SEZ6L: variants seen among roughly 807,000 people sequenced by gnomAD.
The protein encoded by SEZ6L is seizure 6-like protein.
A neutral mutation model predicts 106.2 loss-of-function variants in SEZ6L; 37 were observed. The ratio of observed to expected loss-of-function variants is 0.35; its 90% CI spans 0.27 to 0.46. The LOEUF (loss-of-function observed/expected upper bound fraction) is 0.46. Ranked by LOEUF, SEZ6L falls within the 20% of genes least tolerant of loss-of-function variation. SEZ6L has a pLI of 1.00. For synonymous variants in SEZ6L, 541 were observed against 570.4 expected, an observed-to-expected ratio of 0.95 and a Z score of 0.73; for missense variants, 1,172 against 1,332.8, an observed-to-expected ratio of 0.88 and a Z score of 1.88.
intron 15 of SEZ6L, 51 bp downstream of exon 15, chr22:26,375,740 C>A: frequency 7.1e-7 from 1 of 1,402,154 alleles, no homozygotes. Flanking sequence ...CACCAGTACT[C>A]AGAGGGACTG....
At chr22:26,183,010 G>C (rs1253219046) in intron 1 of SEZ6L, among the ~76,000 whole-genome samples, 1 of 152,082 alleles carries the variant, frequency 6.6e-6, no homozygotes, top group Non-Finnish European at 1.5e-5. Context: ...CTCCTTCCCT[G>C]TTTCTAAAGA....
chr22:26,320,234 G>A (rs535848685), intron 9 of SEZ6L, among the ~76,000 whole-genome samples: 1 of 152,280 alleles, frequency 6.6e-6, no homozygotes, highest in Non-Finnish European at 1.5e-5. Flanking sequence ...AGATATGCTG[G>A]CAGAGTTCAG....
At chr22:26,212,319 A>G (rs1451691989) in intron 1 of SEZ6L, among the ~76,000 whole-genome samples, 1 of 152,162 alleles carries the variant, frequency 6.6e-6, no homozygotes, top group African/African-American at 2.4e-5. Context: ...TCTTCTTTCT[A>G]TGTTGAGATT....
At chr22:26,318,611 A>G (rs1252217254) in intron 9 of SEZ6L, among the ~76,000 whole-genome samples, 1 of 152,162 alleles carries the variant, frequency 6.6e-6, no homozygotes, top group African/African-American at 2.4e-5. Context: ...AAATTGTATT[A>G]TTTGTTCTTT....
At chr22:26,285,290 C>G (rs2080901217) in intron 1 of SEZ6L, among the ~76,000 whole-genome samples, 1 of 152,210 alleles carries the variant, frequency 6.6e-6, no homozygotes, top group South Asian at 2.1e-4. Flanking sequence ...AAGTGATGAT[C>G]AAATGTGCCC....
intron 14 of SEZ6L, among the ~76,000 whole-genome samples, chr22:26,374,763 A>G (rs2084160567): frequency 6.6e-6 from 1 of 152,148 alleles, no homozygotes; most frequent in African/African-American, 2.4e-5. Context: ...TTCTAGAAGG[A>G]ATGTAGGATC....
At chr22:26,252,562 G>T (rs539007698) in intron 1 of SEZ6L, among the ~76,000 whole-genome samples, 2 of 152,064 alleles carry the variant, frequency 1.3e-5, no homozygotes, top group East Asian at 1.9e-4. Context: ...TTTCAGTCTT[G>T]TCCCCCTCCC....
intron 5 of SEZ6L, among the ~76,000 whole-genome samples, chr22:26,300,494 T>A (rs1265613460): frequency 6.6e-6 from 1 of 152,280 alleles, no homozygotes; most frequent in African/African-American, 2.4e-5. Context: ...TCATCATTTT[T>A]TATGGCTGCA....
chr22:26,278,731 G>A (rs1319548198), intron 1 of SEZ6L, among the ~76,000 whole-genome samples: 2 of 151,206 alleles, frequency 1.3e-5, no homozygotes. Flanking sequence ...TCATTAAAAG[G>A]AATGAATTTT....
At chr22:26,375,735 G>A (rs772319909) in intron 15 of SEZ6L, 46 bp downstream of exon 15, 17 of 1,445,068 alleles carry the variant, frequency 1.2e-5, no homozygotes, top group South Asian at 6.1e-5. Flanking sequence ...CCAGCCACCA[G>A]TACTCAGAGG....
At chr22:26,200,612 C>T (rs906650699) in intron 1 of SEZ6L, among the ~76,000 whole-genome samples, 1 of 152,180 alleles carries the variant, frequency 6.6e-6, no homozygotes, top group African/African-American at 2.4e-5. Context: ...GTGGGCATAG[C>T]CCAGGCTTTG....
At chr22:26,361,961 T>C (rs1043987654) in intron 12 of SEZ6L, among the ~76,000 whole-genome samples, 4 of 152,074 alleles carry the variant, frequency 2.6e-5, no homozygotes, top group Non-Finnish European at 5.9e-5. Context: ...TAGAATATGA[T>C]TGGCACTGGG....
intron 1 of SEZ6L, among the ~76,000 whole-genome samples, chr22:26,200,529 C>G (rs1940867644): frequency 6.6e-6 from 1 of 152,118 alleles, no homozygotes; most frequent in African/African-American, 2.4e-5. Flanking sequence ...GGGCTGAGAT[C>G]TCACTATTTC....
chr22:26,383,096 A>G lies in SEZ6L; in HGVS notation c.*2801A>G, dbSNP rs1015179137. The G allele has an allele frequency of 1.1e-5, 1 of 91,462 alleles. No homozygotes were observed. Among genetic ancestry groups the G allele is most frequent in the African/African-American group, 4.4e-5 (1 of 22,796 alleles). 5.7% of individuals were successfully genotyped at this position (91,462 alleles called of 1,614,324 possible). The stretch of plus-strand genomic sequence containing the variant: ...TTTTTTTTTTTTTTTTTGTAGAATT[A>G]TTTAGCTAACATAAGTATTCTGATT... On this transcript the variant is annotated 3_prime_UTR_variant, in exon 17 of 17. Transcript: ENST00000248933.
chr22:26,255,949 G>A (rs1236842022), intron 1 of SEZ6L, among the ~76,000 whole-genome samples: 2 of 152,220 alleles, frequency 1.3e-5, no homozygotes, highest in East Asian at 3.9e-4. Flanking sequence ...AAGAGCACAT[G>A]AGTGGGGTTT....
intron 1 of SEZ6L, among the ~76,000 whole-genome samples, chr22:26,268,278 C>T (rs974420859): frequency 4.6e-5 from 7 of 152,132 alleles, no homozygotes; most frequent in Non-Finnish European, 1.0e-4. Context: ...GGAGATCACC[C>T]GGTATGAACA....
intron 1 of SEZ6L, among the ~76,000 whole-genome samples, chr22:26,214,345 G>A (rs1409228261): frequency 6.6e-6 from 1 of 152,192 alleles, no homozygotes; most frequent in Non-Finnish European, 1.5e-5. Context: ...GTAGATGCAT[G>A]TGAAGTATTT....
intron 9 of SEZ6L, among the ~76,000 whole-genome samples, chr22:26,330,250 TCTGCTATATAACCAG>T (rs66512272): frequency 0.36 from 55,343 of 151,902 alleles, 10,860 homozygotes; most frequent in African/African-American, 0.47. Flanking sequence ...GGATTCCGGC[TCTGCTATATAACCAG>T]CTGCTTGAGC....
At chr22:26,307,558 GAAC>G (rs1010605346) in intron 6 of SEZ6L, among the ~76,000 whole-genome samples, 45 of 151,996 alleles carry the variant, frequency 3.0e-4, no homozygotes, top group African/African-American at 1.1e-3. Flanking sequence ...GCTTTATCCA[GAAC>G]AACTCTATAT....
Sources: allele counts gnomAD v4.1 joint callset (sites outside exome capture counted in the v4.1 genomes callset), GRCh38; gene constraint gnomAD v4.1.1; transcripts MANE v1.5; gene names NCBI Gene and HGNC (gene_info 2026-07-23, HGNC 2026-07-21).